The following TBXAS1 variants were observed in gnomAD, a reference collection of about 807,000 sequenced individuals.
The protein encoded by TBXAS1 is thromboxane A synthase 1.
Under a neutral mutation model 60.7 loss-of-function variants are expected in TBXAS1, and 48 were observed. The observed-to-expected ratio is 0.79, with a 90% confidence interval of 0.63 to 1.01. The LOEUF is 1.01. Among genes scored for constraint, TBXAS1 ranks in the 50% least tolerant of loss-of-function variants. The pLI, the probability that TBXAS1 is intolerant of heterozygous loss-of-function variation, is 0.00. For missense variants in TBXAS1, 685 were observed against 686.3 expected (o/e 1.00, Z 0.02); for synonymous variants, 287 against 269.7 (o/e 1.06, Z -0.63).
intron 1 of TBXAS1, among the ~76,000 whole-genome samples, chr7:139,847,301 C>G (rs918296407): frequency 1.3e-5 from 2 of 151,934 alleles, no homozygotes; most frequent in East Asian, 1.9e-4. Context: ...TTTGCCTTGC[C>G]CTTGGACTTG....
chr7:139,946,402 C>T (rs999545494), intron 5 of TBXAS1, among the ~76,000 whole-genome samples: 6 of 152,190 alleles, frequency 3.9e-5, no homozygotes, highest in Admixed American at 2.6e-4. Context: ...ACCTGGGTGT[C>T]AGGCACTATC....
chr7:139,789,787 C>T (rs1019922118), intron 4 of TBXAS1, among the ~76,000 whole-genome samples: 2 of 152,050 alleles, frequency 1.3e-5, no homozygotes, highest in Non-Finnish European at 2.9e-5. Context: ...CCTGCCACCA[C>T]ACCCGGCTAA....
chr7:139,832,594 C>T (rs1365417197), intron 1 of TBXAS1, among the ~76,000 whole-genome samples: 3 of 152,180 alleles, frequency 2.0e-5, no homozygotes, highest in African/African-American at 7.2e-5. Context: ...CATCCAAATA[C>T]AAGAAGCACA....
At chr7:140,009,218 A>C (rs767222148) in intron 10 of TBXAS1, among the ~76,000 whole-genome samples, 11 of 152,240 alleles carry the variant, frequency 7.2e-5, no homozygotes, top group Non-Finnish European at 1.6e-4. Flanking sequence ...TCACCTGAGG[A>C]CCAGACAGAA....
Position 139,953,373 on chromosome 7 carries a change from T to C in TBXAS1, c.456T>C (p.Val152=), listed in dbSNP as rs1809563836. The part of the protein sequence containing the change: ...AFSPEKLNEM[V]PLISQACDLL... ...CCTTTGTTATCCATTATCAGATGGTTCCCCTCATCAGCCAAGCCTGCGACC... is the reference window on the plus strand; with the variant it reads ...CCTTTGTTATCCATTATCAGATGGTCCCCCTCATCAGCCAAGCCTGCGACC... The change falls in exon 6 of 13, where the codon GTT becomes GTC. Residue 152 remains valine, a synonymous_variant. Transcript: ENST00000448866. 1 of 1,613,872 alleles carries C rather than the reference T, an allele frequency of 6.2e-7. No individual in the cohort carries two copies. The highest frequency in any genetic ancestry group is 8.5e-7 in the Non-Finnish European group (1 of 1,179,726).
At chr7:139,786,199 C>G (rs960608511) in intron 3 of TBXAS1, among the ~76,000 whole-genome samples, 1 of 151,428 alleles carries the variant, frequency 6.6e-6, no homozygotes, top group Non-Finnish European at 1.5e-5. Flanking sequence ...TTTCTCTGCA[C>G]CTCAGTTTTC....
At chr7:139,827,775 T>A (rs1798482977), upstream of TBXAS1, among the ~76,000 whole-genome samples, 2 of 152,232 alleles carry the variant, frequency 1.3e-5, no homozygotes, top group Admixed American at 6.5e-5. Flanking sequence ...TCTTGGCTGA[T>A]AATTGGTTTG....
intron 4 of TBXAS1, among the ~76,000 whole-genome samples, chr7:139,788,403 A>G (rs756685979): frequency 2.0e-5 from 3 of 152,234 alleles, no homozygotes; most frequent in South Asian, 2.1e-4. Flanking sequence ...AAGTTTCACA[A>G]AGTCATTGTC....
intron 1 of TBXAS1, among the ~76,000 whole-genome samples, chr7:139,842,592 T>C (rs960129549): frequency 5.3e-5 from 8 of 152,228 alleles, no homozygotes; most frequent in African/African-American, 1.7e-4. Context: ...CTGGTATTCA[T>C]TGGTGCTTCA....
chr7:139,898,788 G>A (rs1804327510), intron 3 of TBXAS1, among the ~76,000 whole-genome samples: 1 of 152,178 alleles, frequency 6.6e-6, no homozygotes, highest in Admixed American at 6.5e-5. Context: ...AAACTTTACT[G>A]TTCGGACAAA....
rs935202579 is a variant in TBXAS1, at chr7:139,929,317, G to C, written c.334-6874G>C. 2.0e-5 allele frequency among the ~76,000 whole-genome samples: 3 copies of C among 152,224 alleles called. No homozygotes were observed. In the South Asian group the frequency reaches 6.2e-4, roughly 32 times the overall value. On this transcript the variant is annotated intron_variant, in intron 4 of 12. Transcript: ENST00000448866. ...ATCCCTGACGCACGTGGCCCCTGCT[G>C]TTCTGTCGTTCCCCTATTGGCTGGG...
intron 6 of TBXAS1, among the ~76,000 whole-genome samples, chr7:139,954,340 C>T (rs975059192): frequency 6.6e-6 from 1 of 152,200 alleles, no homozygotes; most frequent in Non-Finnish European, 1.5e-5. Flanking sequence ...GATAAGGTGG[C>T]CTCATCAGCT....
At chr7:139,899,599 A>C (rs921564149) in intron 3 of TBXAS1, among the ~76,000 whole-genome samples, 6 of 152,248 alleles carry the variant, frequency 3.9e-5, no homozygotes, top group African/African-American at 1.4e-4. Context: ...TGAATTCTTA[A>C]TTGCATAGCT....
chr7:139,852,935 T>TACACAC lies in TBXAS1; in HGVS notation c.90-19250_90-19245dup, dbSNP rs57545948. On this transcript the variant is annotated intron_variant, in intron 1 of 12. Transcript: ENST00000448866. This position sits in a 1 kb window ranked among gnomAD's most constrained non-coding sequence, Gnocchi z 4.4. ...TGTGTACCAACCTTGGCTACTCCAA[T>TACACAC]ACACACACACACACACACACACACA... Among the ~76,000 whole-genome samples, 318 of 127,500 alleles carry TACACAC rather than the reference T, an allele frequency of 2.5e-3. 3 individuals are homozygous for TACACAC. Among genetic ancestry groups the TACACAC allele is most frequent in the Non-Finnish European group, 4.1e-3 (242 of 58,986 alleles). 83.6% of individuals were successfully genotyped at this position (127,500 alleles called of 152,430 possible). A position where few individuals can be genotyped will look rare whatever the true frequency, so the allele number is the denominator to read the frequency against.
intron 1 of TBXAS1, among the ~76,000 whole-genome samples, chr7:139,829,892 G>C (rs550487057): frequency 2.0e-3 from 298 of 152,250 alleles, no homozygotes; most frequent in African/African-American, 7.0e-3. Flanking sequence ...AACAAAACAA[G>C]ACGTAGGAGC....
At chr7:139,848,571 T>C (rs1280798788) in intron 1 of TBXAS1, among the ~76,000 whole-genome samples, 1 of 152,124 alleles carries the variant, frequency 6.6e-6, no homozygotes, top group East Asian at 1.9e-4. Flanking sequence ...GACAGTGGGG[T>C]TTAGATCTGC....
At chr7:139,789,173 G>T (rs2117241726) in intron 4 of TBXAS1, 1 of 151,910 alleles carries the variant, frequency 6.6e-6, no homozygotes, top group African/African-American at 2.4e-5. Context: ...ATAATAATTT[G>T]AGAAGTTATA....
intron 1 of TBXAS1, among the ~76,000 whole-genome samples, chr7:139,780,538 G>T (rs1163806402): frequency 1.3e-5 from 2 of 152,202 alleles, no homozygotes. Flanking sequence ...TTTGTTGCAT[G>T]CTCCCTTGTG....
chr7:139,798,881 C>G (rs1304947858), intron 4 of TBXAS1, among the ~76,000 whole-genome samples: 1 of 152,116 alleles, frequency 6.6e-6, no homozygotes. Flanking sequence ...GCCCATTTGC[C>G]AGCCAGTCTG....
Sources: allele counts gnomAD v4.1 joint callset (sites outside exome capture counted in the v4.1 genomes callset), GRCh38; gene constraint gnomAD v4.1.1; non-coding constraint Gnocchi (gnomAD v3.1); transcripts MANE v1.5; gene names NCBI Gene and HGNC (gene_info 2026-07-23, HGNC 2026-07-21).